OSBPL5: variants seen among roughly 807,000 people sequenced by gnomAD.
OSBPL5 encodes oxysterol-binding protein-related protein 5.
In OSBPL5, 71 loss-of-function variants were observed where a neutral mutation model predicts 111.2. The observed-to-expected ratio is 0.64, with a 90% confidence interval of 0.53 to 0.78. The LOEUF (loss-of-function observed/expected upper bound fraction) is 0.78. Ranked by LOEUF, OSBPL5 falls within the 30% of genes least tolerant of loss-of-function variation. The probability of loss-of-function intolerance (pLI) is 0.00; values close to 1 mark genes in which losing one functional copy is unlikely to be tolerated. For missense variants in OSBPL5, 1,210 were observed against 1,189.3 expected, an observed-to-expected ratio of 1.02 and a Z score of -0.26; for synonymous variants, 549 against 513.9, an observed-to-expected ratio of 1.07 and a Z score of -0.93.
chr11:3,153,358 G>A (rs1056724270), intron 1 of OSBPL5, among the ~76,000 whole-genome samples: 1 of 152,230 alleles, frequency 6.6e-6, no homozygotes, highest in Non-Finnish European at 1.5e-5. Context: ...TGTTTCTCAT[G>A]TAGACCTCAA....
chr11:3,108,138 G>A (rs555557729), intron 7 of OSBPL5, among the ~76,000 whole-genome samples, 193 bp from the exon 8 acceptor site: 86 of 152,272 alleles, frequency 5.6e-4, no homozygotes, highest in Non-Finnish European at 1.0e-3. Flanking sequence ...TGCAGATTGT[G>A]TGGGGGCAGA....
intron 10 of OSBPL5, 100 bp from the exon 11 acceptor site, chr11:3,103,420 T>G (rs1857525836): frequency 8.9e-7 from 1 of 1,129,042 alleles, no homozygotes; most frequent in African/African-American, 1.6e-5. Context: ...CTCCAACCAC[T>G]CAGCTGGAAA....
In OSBPL5 at chr11:3,121,973, G is replaced by T; in HGVS notation, c.402+24C>A. ...CAGCACGCTGACCCGTGTCCTGGGT[G>T]GCCGGAGGCCGGGCATCACCTACCT... On this transcript the variant is annotated intron_variant, in intron 5 of 21. Transcript: ENST00000263650. This position sits in a 1 kb window ranked among gnomAD's most constrained non-coding sequence, Gnocchi z 4.3. 1 of 1,539,880 alleles carries T rather than the reference G, an allele frequency of 6.5e-7. No individual in the cohort carries two copies. The highest frequency in any genetic ancestry group is 8.7e-7 in the Non-Finnish European group (1 of 1,145,424).
At chr11:3,158,105 C>T (rs1411850622) in intron 1 of OSBPL5, among the ~76,000 whole-genome samples, 2 of 152,234 alleles carry the variant, frequency 1.3e-5, no homozygotes, top group African/African-American at 4.8e-5. Context: ...CCAGACGGGG[C>T]CCACATCCTG....
rs571285319 is a variant in OSBPL5, at chr11:3,091,293, G to A, written c.2260-597C>T. 3.3e-5 allele frequency among the ~76,000 whole-genome samples: 5 copies of A among 152,370 alleles called. No homozygotes were observed. In the South Asian group the frequency reaches 1.0e-3, roughly 32 times the overall value. ...GGGGAAAAAGCAGAACCTGGCTGTG[G>A]GACCACCATGTAACAACAGGCGTTT... is the stretch of plus-strand genomic sequence containing the variant. On this transcript the variant is annotated intron_variant, in intron 19 of 21. Coordinates refer to ENST00000263650, the MANE Select transcript of OSBPL5 (RefSeq NM_020896.4).
Position 3,165,266 on chromosome 11 carries a change from G to T in OSBPL5, c.-72C>A, listed in dbSNP as rs1372153291. On this transcript the variant is annotated 5_prime_UTR_variant, in exon 1 of 22. Transcript: ENST00000263650. This position sits in a 1 kb window ranked among gnomAD's most constrained non-coding sequence, Gnocchi z 7.4. The stretch of plus-strand genomic sequence containing the variant: ...CTCCGGGCCGGCCGGGCGCGCGGGG[G>T]CTCCACTGGCGGCGCGGGCCTGGCT... 2 of 151,326 alleles carry T rather than the reference G, an allele frequency of 1.3e-5. No individual in the cohort carries two copies. Among genetic ancestry groups the T allele is most frequent in the Admixed American group, 1.3e-4 (2 of 15,186 alleles). 9.4% of individuals were successfully genotyped at this position (151,326 alleles called of 1,614,324 possible).
rs1034514145 is a variant in OSBPL5, at chr11:3,154,003, C to G, written c.-22+11213G>C. Among the ~76,000 whole-genome samples the G allele has an allele frequency of 4.6e-5, 7 of 152,260 alleles. No individual in the cohort carries two copies. Among genetic ancestry groups the G allele is most frequent in the African/African-American group, 1.4e-4 (6 of 41,468 alleles). On this transcript the variant is annotated intron_variant, in intron 1 of 21. Coordinates refer to ENST00000263650, the MANE Select transcript of OSBPL5 (RefSeq NM_020896.4). The surrounding 1 kb of genome is among the most constrained non-coding windows in gnomAD (Gnocchi z 4.9). Reference sequence around the variant, plus strand: ...AACAGCGCCGTCAGCCCCGCACACACAGCAGGGAGCCCCAGGGCAGGCCCG... The same window carrying G: ...AACAGCGCCGTCAGCCCCGCACACAGAGCAGGGAGCCCCAGGGCAGGCCCG...
chr11:3,090,562 G>T lies in OSBPL5; in HGVS notation c.2394C>A (p.Val798=), dbSNP rs1012153477. The change falls in exon 20 of 22, where the codon GTC becomes GTA. Residue 798 remains valine, a synonymous_variant. Transcript: ENST00000263650. ...LSDEEQDGDF[V]PGGESPCPRC... The stretch of plus-strand genomic sequence containing the variant: ...GCTGGGCCCAAGGGGGCTCACCAGG[G>T]ACAAAGTCACCATCCTGCTCCTCGT... 2.5e-5 allele frequency: 40 copies of T among 1,612,458 alleles called. No homozygotes were observed. Among genetic ancestry groups the T allele is most frequent in the Non-Finnish European group, 3.3e-5 (39 of 1,179,638 alleles).
intron 4 of OSBPL5, 117 bp from the exon 5 acceptor site, chr11:3,122,215 A>T (rs1377861691): frequency 7.6e-7 from 1 of 1,322,574 alleles, no homozygotes; most frequent in African/African-American, 1.5e-5. Flanking sequence ...AAGTAGGAGG[A>T]AGTAGGGGGT....
chr11:3,087,891 T>A lies in OSBPL5; in HGVS notation c.*314A>T. On this transcript the variant is annotated 3_prime_UTR_variant, in exon 22 of 22. Coordinates refer to ENST00000263650, the MANE Select transcript of OSBPL5 (RefSeq NM_020896.4). ...CCACCCTAAATCCATCCATCCCCCA[T>A]GGCAAGTGGAGGCCGGACAGGGGGT... 4.4e-6 allele frequency: 1 copy of A among 226,188 alleles called. No homozygotes were observed. The highest frequency in any genetic ancestry group is 8.6e-6 in the Non-Finnish European group (1 of 116,550). The allele number at this position is 226,188 out of a possible 1,614,324, so 14.0% of individuals were successfully genotyped here. A position where few individuals can be genotyped will look rare whatever the true frequency, so the allele number is the denominator to read the frequency against.
At chr11:3,135,970 T>G (rs1845938402) in intron 1 of OSBPL5, among the ~76,000 whole-genome samples, 1 of 152,188 alleles carries the variant, frequency 6.6e-6, no homozygotes, top group Non-Finnish European at 1.5e-5. Flanking sequence ...AGCAGGCTCT[T>G]CCTTCCATTT....
In OSBPL5 at chr11:3,131,361, C is replaced by G. The variant is rs543858903; in HGVS notation, c.-21-2192G>C. Reference sequence around the variant, plus strand: ...CCCTTCCAGGCATCCATCCATCCATCCATCCACCCACCCACCCATTCATCC... The same window carrying G: ...CCCTTCCAGGCATCCATCCATCCATGCATCCACCCACCCACCCATTCATCC... On this transcript the variant is annotated intron_variant, in intron 1 of 21. Coordinates refer to ENST00000263650, the MANE Select transcript of OSBPL5 (RefSeq NM_020896.4). Among the ~76,000 whole-genome samples the G allele has an allele frequency of 4.2e-4, 63 of 151,434 alleles. No individual in the cohort carries two copies. In the East Asian group the frequency reaches 0.012, roughly 28 times the overall value.
chr11:3,139,384 G>T (rs1846042946), intron 1 of OSBPL5, among the ~76,000 whole-genome samples: 1 of 152,208 alleles, frequency 6.6e-6, no homozygotes, highest in African/African-American at 2.4e-5. Flanking sequence ...AGTGCTCTGT[G>T]GGGCCACGAG....
chr11:3,101,131 T>C (rs1356346937), intron 13 of OSBPL5, among the ~76,000 whole-genome samples: 1 of 152,000 alleles, frequency 6.6e-6, no homozygotes, highest in Non-Finnish European at 1.5e-5. Context: ...CGTGCCACCA[T>C]GCCCGGCTAA....
intron 1 of OSBPL5, among the ~76,000 whole-genome samples, chr11:3,134,474 C>A (rs887943487): frequency 1.3e-5 from 2 of 152,164 alleles, no homozygotes; most frequent in African/African-American, 4.8e-5. Flanking sequence ...GCCCACTCCC[C>A]AGCCTGTGAA....
intron 7 of OSBPL5, among the ~76,000 whole-genome samples, chr11:3,116,621 A>G (rs1858214426): frequency 6.6e-6 from 1 of 152,166 alleles, no homozygotes; most frequent in Admixed American, 6.5e-5. Flanking sequence ...TTGGGAGGCC[A>G]TGGTGGGCGG....
At chr11:3,112,402 A>G (rs920954157) in intron 7 of OSBPL5, among the ~76,000 whole-genome samples, 44 of 151,616 alleles carry the variant, frequency 2.9e-4, no homozygotes, top group Admixed American at 2.2e-3. Context: ...AACCCCAAGA[A>G]TGTAAACAGA....
At chr11:3,147,067 T>A (rs1846376152) in intron 1 of OSBPL5, among the ~76,000 whole-genome samples, 1 of 144,450 alleles carries the variant, frequency 6.9e-6, no homozygotes, top group African/African-American at 2.5e-5. Context: ...CCAGTCACCC[T>A]CACGTCCTGG....
At position 3,129,114 on chromosome 11, in the gene OSBPL5, G is replaced by A. The variant is rs746558203; in HGVS notation, c.35C>T (p.Ser12Phe). The A allele has an allele frequency of 1.3e-6, 2 of 1,511,262 alleles. No individual in the cohort carries two copies. Among genetic ancestry groups the A allele is most frequent in the South Asian group, 2.5e-5 (2 of 79,360 alleles). 93.6% of individuals were successfully genotyped at this position (1,511,262 alleles called of 1,614,324 possible). A position where few individuals can be genotyped will look rare whatever the true frequency, so the allele number is the denominator to read the frequency against. ...AGGGGTGGAGGAAGGTGGACACAGGGAGAAGCGGCGCCGGAGGAAGGCCTC... is the reference window on the plus strand; with the variant it reads ...AGGGGTGGAGGAAGGTGGACACAGGAAGAAGCGGCGCCGGAGGAAGGCCTC... ...KEEAFLRRRF[S>F]LCPPSSTPQK... The change falls in exon 2 of 22, where the codon TCC (serine) becomes TTC (phenylalanine). Residue 12 changes from serine to phenylalanine, a missense_variant. By Grantham distance (155) the Ser-to-Phe change is radical. Transcript: ENST00000263650.
Sources: allele counts gnomAD v4.1 joint callset (sites outside exome capture counted in the v4.1 genomes callset), GRCh38; gene constraint gnomAD v4.1.1; non-coding constraint Gnocchi (gnomAD v3.1); transcripts MANE v1.5; gene names NCBI Gene and HGNC (gene_info 2026-07-23, HGNC 2026-07-21).